Variants in PLXDC1 observed in about 807,000 individuals in gnomAD.
PLXDC1 encodes the protein plexin domain-containing protein 1.
In PLXDC1, 39 loss-of-function variants were observed where a neutral mutation model predicts 61.3. The observed-to-expected ratio is 0.64, with a 90% CI of 0.49 to 0.83. The LOEUF is 0.83. Ranked by LOEUF, PLXDC1 falls within the 40% of genes least tolerant of loss-of-function variation. The pLI is 0.00. For missense variants in PLXDC1, 596 were observed against 666.5 expected (o/e 0.89, Z 1.17); for synonymous variants, 212 against 254.5 (o/e 0.83, Z 1.59).
In PLXDC1 at chr17:39,145,346, A is replaced by G. The variant is rs532692977; in HGVS notation, c.77-5514T>C. 2.6e-5 allele frequency among the ~76,000 whole-genome samples: 4 copies of G among 152,244 alleles called. No individual in the cohort carries two copies. The South Asian group carries it at 8.3e-4, about 32-fold the overall frequency. The stretch of plus-strand genomic sequence containing the variant: ...TTCAGGGCAAGGGGGAATGGGGCTG[A>G]CCTCAGGAGGCCAGGTTGTGCGGCC... On this transcript the variant is annotated intron_variant, in intron 1 of 13. Transcript: ENST00000315392.
At chr17:39,111,814 G>T (rs977127501) in intron 2 of PLXDC1, 2 of 152,308 alleles carry the variant, frequency 1.3e-5, no homozygotes, top group Non-Finnish European at 2.9e-5. Flanking sequence ...GAGGGCTAAG[G>T]ATGCTGCTTC....
intron 1 of PLXDC1, among the ~76,000 whole-genome samples, chr17:39,143,884 GTC>G (rs534205585): frequency 2.2e-3 from 333 of 152,324 alleles, no homozygotes; most frequent in African/African-American, 7.8e-3. Flanking sequence ...GGGCTGTCTG[GTC>G]TCTCTTGGGT....
upstream of PLXDC1, chr17:39,152,330 C>CTA (rs2045379494): frequency 1.0e-5 from 4 of 401,664 alleles, no homozygotes; most frequent in East Asian, 1.6e-4. Flanking sequence ...GCCTCCAGGC[C>CTA]TACTCAGGGC....
intron 2 of PLXDC1, among the ~76,000 whole-genome samples, chr17:39,122,320 A>T (rs936617389): frequency 2.9e-5 from 4 of 139,098 alleles, no homozygotes; most frequent in Non-Finnish European, 6.0e-5. Flanking sequence ...CAGGAGAATC[A>T]CTTCAGCCAA....
chr17:39,068,060 G>T, intron 13 of PLXDC1, 101 bp from the exon 14 acceptor site: 2 of 1,138,672 alleles, frequency 1.8e-6, no homozygotes, highest in Non-Finnish European at 2.5e-6. Flanking sequence ...CTCTTATAAG[G>T]GCCCTGGGGC....
chr17:39,100,484 G>A (rs1220613827), intron 7 of PLXDC1, among the ~76,000 whole-genome samples: 1 of 152,204 alleles, frequency 6.6e-6, no homozygotes, highest in Non-Finnish European at 1.5e-5. Flanking sequence ...TCAAACTCCT[G>A]ACCTCAGGAG....
chr17:39,088,963 A>AAAAGAGAG (rs1555570853), intron 7 of PLXDC1, among the ~76,000 whole-genome samples: 1 of 119,592 alleles, frequency 8.4e-6, no homozygotes, highest in African/African-American at 3.5e-5. Context: ...AAAAAAAAAA[A>AAAAGAGAG]AGAGAGAGAG....
upstream of PLXDC1, chr17:39,152,727 G>A (rs1021486717): frequency 1.5e-5 from 18 of 1,217,772 alleles, no homozygotes; most frequent in African/African-American, 2.5e-4. Flanking sequence ...ACAGGAGAAG[G>A]TACACTGTGG....
intron 11 of PLXDC1, among the ~76,000 whole-genome samples, chr17:39,076,309 G>A (rs1161743011): frequency 6.6e-6 from 1 of 151,786 alleles, no homozygotes; most frequent in Admixed American, 6.6e-5. Context: ...AGGAGTTTGA[G>A]ATCAGCCCGG....
intron 11 of PLXDC1, among the ~76,000 whole-genome samples, chr17:39,075,155 T>C (rs1450089291): frequency 6.6e-6 from 1 of 152,156 alleles, no homozygotes; most frequent in Non-Finnish European, 1.5e-5. Context: ...GACATAGTTT[T>C]GCCATGTTGC....
intron 1 of PLXDC1, among the ~76,000 whole-genome samples, chr17:39,143,830 C>G (rs1347617071): frequency 1.3e-5 from 2 of 152,180 alleles, no homozygotes; most frequent in African/African-American, 4.8e-5. Context: ...GGACATGAGT[C>G]CAGGGCTGGG....
intron 1 of PLXDC1, among the ~76,000 whole-genome samples, chr17:39,147,024 C>T (rs981377880): frequency 1.1e-4 from 16 of 140,424 alleles, no homozygotes; most frequent in Non-Finnish European, 1.4e-4. Flanking sequence ...GGCACGATCT[C>T]GGCTCACTGC....
chr17:39,144,126 G>A (rs561761319), intron 1 of PLXDC1, among the ~76,000 whole-genome samples: 3 of 152,240 alleles, frequency 2.0e-5, no homozygotes, highest in East Asian at 1.9e-4. Context: ...CCTGCAGCCC[G>A]GGGAAGGACA....
At chr17:39,072,382 C>T (rs543924956) in intron 12 of PLXDC1, 68 bp downstream of exon 12, 6 of 1,083,334 alleles carry the variant, frequency 5.5e-6, no homozygotes, top group South Asian at 1.3e-5. Context: ...GCGACTGCTG[C>T]ACCCTCTTCT....
chr17:39,148,474 G>A (rs978169551), intron 1 of PLXDC1, among the ~76,000 whole-genome samples: 52 of 151,602 alleles, frequency 3.4e-4, no homozygotes, highest in African/African-American at 1.2e-3. Flanking sequence ...TCTGCCTCTC[G>A]GGTTCAAGCT....
At chr17:39,072,159 C>G (rs991238957) in intron 12 of PLXDC1, 28 of 474,048 alleles carry the variant, frequency 5.9e-5, no homozygotes, top group Non-Finnish European at 1.0e-4. Flanking sequence ...TCCCCTCCTC[C>G]CACTCCTTTC....
intron 7 of PLXDC1, among the ~76,000 whole-genome samples, chr17:39,088,435 A>G (rs1356577132): frequency 6.6e-6 from 1 of 152,146 alleles, no homozygotes; most frequent in Non-Finnish European, 1.5e-5. Flanking sequence ...TTGCTGGATA[A>G]CCTCAGGCAA....
In PLXDC1 at chr17:39,087,561, T is replaced by C. The variant is rs778317739; in HGVS notation, c.907+46A>G. The C allele has an allele frequency of 4.8e-6, 7 of 1,447,272 alleles. No homozygotes were observed. The Admixed American group carries it at 5.0e-5, about 10-fold the overall frequency. The allele number at this position is 1,447,272 out of a possible 1,614,324, so 89.7% of individuals were successfully genotyped here. On this transcript the variant is annotated intron_variant, in intron 8 of 13. Transcript: ENST00000315392. ...GGCCTGGGACATGAAGCCAGTCTGC[T>C]TGACTCCAGAGCTCTTTCTGGGATG...
rs1400276874 is a variant in PLXDC1 at position 39,087,642 on chromosome 17, G to A, written c.872C>T (p.Thr291Ile). 6.2e-7 allele frequency: 1 copy of A among 1,614,132 alleles called. No homozygotes were observed. Among genetic ancestry groups the A allele is most frequent in the Non-Finnish European group, 8.5e-7 (1 of 1,180,012 alleles). Residue 291 changes from threonine (T) to isoleucine (I), a missense_variant, in exon 8 of 14, where the codon ACC becomes ATC. Transcript: ENST00000315392. The stretch of plus-strand genomic sequence containing the variant: ...GGTGAACTCCACGGCCGACATGCTG[G>A]TGACCTTGCTGGGGTCCAGCTCTAT... ...HRIELDPSKV[T>I]SMSAVEFTPL...
Sources: gnomAD v4.1 joint callset for allele counts (sites outside exome capture counted in the v4.1 genomes callset) on GRCh38, gnomAD v4.1.1 for gene constraint, MANE v1.5 for transcripts, NCBI Gene and HGNC (gene_info 2026-07-23, HGNC 2026-07-21) for gene names.